The following LINGO2 variants were observed in gnomAD, a reference collection of about 807,000 sequenced individuals.
The protein encoded by LINGO2 is leucine-rich repeat and immunoglobulin-like domain-containing nogo receptor-interacting protein 2.
In LINGO2, 14 loss-of-function variants were observed where a neutral mutation model predicts 30.6. The ratio of observed to expected loss-of-function variants is 0.46; its 90% confidence interval spans 0.30 to 0.72. The LOEUF (loss-of-function observed/expected upper bound fraction) is 0.72. LINGO2 is among the 30% of genes least tolerant of loss of function. LINGO2 has a pLI of 0.07. For missense variants in LINGO2, 729 were observed against 751.7 expected, an observed-to-expected ratio of 0.97 and a Z score of 0.35; for synonymous variants, 317 against 288.5, an observed-to-expected ratio of 1.10 and a Z score of -1.00.
At chr9:27,960,615 T>C (rs902126309) in intron 5 of LINGO2, among the ~76,000 whole-genome samples, 8 of 83,820 alleles carry the variant, frequency 9.5e-5, no homozygotes, top group Non-Finnish European at 1.2e-4. Context: ...GTGGTATATC[T>C]TTTTTTTTTT....
intron 4 of LINGO2, among the ~76,000 whole-genome samples, chr9:28,259,510 G>T (rs1334013210): frequency 1.3e-5 from 2 of 151,690 alleles, no homozygotes; most frequent in Non-Finnish European, 2.9e-5. Flanking sequence ...GCCATACAAG[G>T]TCTATGAAGG....
chr9:28,630,856 A>G (rs935487331), intron 1 of LINGO2, among the ~76,000 whole-genome samples: 2 of 151,706 alleles, frequency 1.3e-5, no homozygotes, highest in African/African-American at 4.8e-5. Flanking sequence ...CAGAATCAAA[A>G]CAGCCTCTAT....
At chr9:28,383,400 A>G (rs1821438708) in intron 2 of LINGO2, among the ~76,000 whole-genome samples, 1 of 152,020 alleles carries the variant, frequency 6.6e-6, no homozygotes, top group African/African-American at 2.4e-5. Context: ...AAACAGTATG[A>G]AAAAGGCTTG....
intron 2 of LINGO2, among the ~76,000 whole-genome samples, chr9:28,390,530 T>C (rs1156401876): frequency 6.6e-6 from 1 of 150,522 alleles, no homozygotes; most frequent in African/African-American, 2.4e-5. Context: ...TGCTGACATA[T>C]ACACACAGAG....
the LINGO2 span, among the ~76,000 whole-genome samples, chr9:29,038,951 T>C: frequency 6.6e-6 from 1 of 152,160 alleles, no homozygotes; most frequent in Admixed American, 6.6e-5. Context: ...TTGTCATTGC[T>C]CATTAGGCTT....
chr9:29,033,072 C>T, the LINGO2 span, among the ~76,000 whole-genome samples: 1 of 152,042 alleles, frequency 6.6e-6, no homozygotes, highest in African/African-American at 2.4e-5. Flanking sequence ...ACTCATCTTG[C>T]CATTTCAGGC....
chr9:28,857,266 T>G, the LINGO2 span, among the ~76,000 whole-genome samples: 26 of 152,178 alleles, frequency 1.7e-4, no homozygotes, highest in African/African-American at 6.0e-4. Flanking sequence ...GAACTGAGCC[T>G]TGAGAGAATC....
chr9:28,403,809 T>G (rs1315383300), intron 2 of LINGO2, among the ~76,000 whole-genome samples: 1 of 152,136 alleles, frequency 6.6e-6, no homozygotes, highest in Admixed American at 6.6e-5. Flanking sequence ...GATCAGGGAC[T>G]GGATCCTACT....
chr9:28,623,004 AT>A (rs1397042444), intron 1 of LINGO2, among the ~76,000 whole-genome samples: 1 of 152,042 alleles, frequency 6.6e-6, no homozygotes, highest in Non-Finnish European at 1.5e-5. Flanking sequence ...AGAAATGTCT[AT>A]TCAAATCTTT....
chr9:28,254,760 A>C (rs930273362), intron 4 of LINGO2, among the ~76,000 whole-genome samples: 1 of 152,060 alleles, frequency 6.6e-6, no homozygotes, highest in Non-Finnish European at 1.5e-5. Flanking sequence ...GAAATACCAA[A>C]TTTTTTAAAA....
intron 2 of LINGO2, among the ~76,000 whole-genome samples, chr9:28,424,681 A>G (rs547330300): frequency 6.6e-6 from 1 of 152,278 alleles, no homozygotes; most frequent in African/African-American, 2.4e-5. Context: ...ATTAATTACT[A>G]CTTTTTGTCC....
chr9:28,678,217 T>C, the LINGO2 span, among the ~76,000 whole-genome samples: 1 of 152,034 alleles, frequency 6.6e-6, no homozygotes. Flanking sequence ...CAGTCAAACT[T>C]TCCAGCCCCA....
chr9:28,530,501 G>A (rs1158348236), intron 1 of LINGO2, among the ~76,000 whole-genome samples: 2 of 151,996 alleles, frequency 1.3e-5, no homozygotes, highest in Non-Finnish European at 2.9e-5. Context: ...TAAACATAAC[G>A]GCCCCATGCA....
intron 1 of LINGO2, among the ~76,000 whole-genome samples, chr9:28,544,704 G>A (rs1821854480): frequency 6.6e-6 from 1 of 151,378 alleles, no homozygotes; most frequent in Admixed American, 6.6e-5. Context: ...GGCAATATAT[G>A]TGAGTACACT....
At chr9:28,091,526 C>T (rs1288897360) in intron 4 of LINGO2, among the ~76,000 whole-genome samples, 1 of 152,150 alleles carries the variant, frequency 6.6e-6, no homozygotes, top group African/African-American at 2.4e-5. Flanking sequence ...GGATCCCTTC[C>T]TTATACCTTA....
chr9:28,203,430 G>C (rs543536297), intron 4 of LINGO2, among the ~76,000 whole-genome samples: 2 of 152,260 alleles, frequency 1.3e-5, no homozygotes, highest in African/African-American at 4.8e-5. Context: ...ATTACAAAGA[G>C]GGGTATTTCT....
At chr9:28,931,454 G>T in the LINGO2 span, among the ~76,000 whole-genome samples, 1 of 152,144 alleles carries the variant, frequency 6.6e-6, no homozygotes, top group East Asian at 1.9e-4. Flanking sequence ...GTTACTCAAT[G>T]CCTTCAGACA....
chr9:27,977,417 G>A (rs1447840409), intron 5 of LINGO2, among the ~76,000 whole-genome samples: 1 of 151,704 alleles, frequency 6.6e-6, no homozygotes, highest in Non-Finnish European at 1.5e-5. Context: ...GGGGCGGGTT[G>A]GGGGGAGCAG....
chr9:28,631,747 T>C (rs1826954432), intron 1 of LINGO2, among the ~76,000 whole-genome samples: 1 of 152,096 alleles, frequency 6.6e-6, no homozygotes, highest in African/African-American at 2.4e-5. Context: ...CAGTCCTCAC[T>C]TGTGGAGGAC....
Sources: allele counts gnomAD v4.1 joint callset (sites outside exome capture counted in the v4.1 genomes callset), GRCh38; gene constraint gnomAD v4.1.1; transcripts MANE v1.5; gene names NCBI Gene and HGNC (gene_info 2026-07-23, HGNC 2026-07-21).